Variants in ZNF347 observed in about 807,000 individuals in gnomAD.
ZNF347 encodes zinc finger protein 347, also known as CTD-2620I22.7.
In ZNF347, 19 loss-of-function variants were observed where a neutral mutation model predicts 12.9. The ratio of observed to expected loss-of-function variants is 1.47; its 90% CI spans 1.03 to 2.16. The LOEUF is 2.16. Ranked by LOEUF, ZNF347 falls within the 30% of genes most tolerant of loss-of-function variation. The probability of loss-of-function intolerance (pLI) is 0.00; values close to 1 mark genes in which losing one functional copy is unlikely to be tolerated. For missense variants in ZNF347, 1,005 were observed against 990.6 expected, an observed-to-expected ratio of 1.01 and a Z score of -0.19; for synonymous variants, 328 against 340.6, an observed-to-expected ratio of 0.96 and a Z score of 0.41.
In ZNF347 at chr19:53,142,003, G is replaced by A. The variant is rs775865650; in HGVS notation, c.825C>T (p.His275=). Residue 275 remains histidine, a synonymous_variant, in exon 5 of 5, where the codon CAC becomes CAT. Transcript: ENST00000334197. ...TATGACTTCTCTGATGACTTGCAAG[G>A]TGTGAATTTTGAGGAAAGACCATGC... ...GCGMVFPQNS[H]LASHQRSHTK... 1.2e-5 allele frequency: 19 copies of A among 1,614,112 alleles called. No homozygotes were observed. In the South Asian group the frequency reaches 2.0e-4, roughly 17 times the overall value.
At chr19:53,158,246 G>T (rs1030026022) in intron 1 of ZNF347, among the ~76,000 whole-genome samples, 6 of 152,148 alleles carry the variant, frequency 3.9e-5, no homozygotes, top group Admixed American at 1.3e-4. Context: ...GAGCAGCAGG[G>T]CCCGGCACGA....
chr19:53,152,478 G>A (rs909645012), intron 2 of ZNF347, among the ~76,000 whole-genome samples: 29 of 152,172 alleles, frequency 1.9e-4, no homozygotes, highest in African/African-American at 5.3e-4. Flanking sequence ...ATGGTGGCAT[G>A]CAACTGTAGT....
Position 53,140,691 on chromosome 19 carries a change from G to C in ZNF347, c.2137C>G (p.Gln713Glu). ...HTGEKPYECNQCGKAFSVRSS... is the reference protein window; with the variant it reads ...HTGEKPYECNECGKAFSVRSS... The stretch of plus-strand genomic sequence containing the variant: ...CGGACACTAAAGGCTTTCCCACACT[G>C]ATTACACTCATATGGTTTCTCTCCA... Residue 713 changes from glutamine (Q) to glutamate (E), a missense_variant, in exon 5 of 5, where the codon CAG becomes GAG. Gln to Glu is a conservative substitution (Grantham distance 29, BLOSUM62 2). Coordinates refer to ENST00000334197, the MANE Select transcript of ZNF347 (RefSeq NM_032584.3). 1 of 1,610,620 alleles carries C rather than the reference G, an allele frequency of 6.2e-7. No homozygotes were observed. Among genetic ancestry groups the C allele is most frequent in the Non-Finnish European group, 8.5e-7 (1 of 1,179,234 alleles).
In ZNF347 at chr19:53,148,686, A is replaced by C; in HGVS notation, c.266T>G (p.Ile89Ser). The change falls in exon 4 of 5, where the codon ATC becomes AGC. Residue 89 changes from isoleucine (I) to serine (S), a missense_variant. Coordinates refer to ENST00000334197, the MANE Select transcript of ZNF347 (RefSeq NM_032584.3). ...PDGWEWIKAVITALSSEFVMK... is the reference protein window; with the variant it reads ...PDGWEWIKAVSTALSSEFVMK... ...CTACCCATCTGAACTCTTACCTGTG[A>C]TCACAGCTTTGATCCATTCCCATCC... is the stretch of plus-strand genomic sequence containing the variant. 1 of 1,612,634 alleles carries C rather than the reference A, an allele frequency of 6.2e-7. No homozygotes were observed. The highest frequency in any genetic ancestry group is 8.5e-7 in the Non-Finnish European group (1 of 1,179,222).
rs1377880704 is a variant in ZNF347 at position 53,136,603 on chromosome 19, TG to T, written c.*3704del. ...AGAAAAAAAAAAAGAAAAGAAGCTA[TG>T]GAGAATATGTTACACAATACCATAA... On this transcript the variant is annotated 3_prime_UTR_variant, in exon 5 of 5. Transcript: ENST00000334197. 5 of 151,322 alleles carry T rather than the reference TG, an allele frequency of 3.3e-5. No homozygotes were observed. Among genetic ancestry groups the T allele is most frequent in the African/African-American group, 1.2e-4 (5 of 41,216 alleles). 9.4% of individuals were successfully genotyped at this position (151,322 alleles called of 1,614,324 possible).
At position 53,142,373 on chromosome 19, in the gene ZNF347, T is replaced by C. The variant is rs535994321; in HGVS notation, c.455A>G (p.Tyr152Cys). The C allele has an allele frequency of 1.9e-6, 3 of 1,614,156 alleles. No homozygotes were observed. The highest frequency in any genetic ancestry group is 3.3e-5 in the Admixed American group (2 of 60,010). ...TTCTTGGGTCAAAAGCACTCCTTTG[T>C]AATTTCCTTCAGCATCTCTGCATTG... ...EYQCRDAEGN[Y>C]KGVLLTQEGN... is the part of the protein sequence containing the mutation. Residue 152 changes from tyrosine (Y) to cysteine (C), a missense_variant, in exon 5 of 5, where the codon TAC becomes TGC. By Grantham distance (194) the Tyr-to-Cys change is radical. Transcript: ENST00000334197.
At chr19:53,144,959 A>G (rs1481166901) in intron 4 of ZNF347, among the ~76,000 whole-genome samples, 4 of 151,966 alleles carry the variant, frequency 2.6e-5, no homozygotes, top group Non-Finnish European at 5.9e-5. Context: ...GACCACAATA[A>G]AATAACACTA....
At chr19:53,145,516 C>A (rs1385391396) in intron 4 of ZNF347, among the ~76,000 whole-genome samples, 1 of 151,638 alleles carries the variant, frequency 6.6e-6, no homozygotes, top group Non-Finnish European at 1.5e-5. Flanking sequence ...CCTCAGCCCC[C>A]CAAGTAGCAG....
intron 3 of ZNF347, 60 bp downstream of exon 3, chr19:53,149,181 A>G (rs920577064): frequency 1.9e-6 from 3 of 1,594,570 alleles, no homozygotes; most frequent in Non-Finnish European, 2.6e-6. Context: ...GGAGAGCCAC[A>G]TGGAAAATGA....
At chr19:53,158,759 T>G (rs2090552451) in intron 1 of ZNF347, 1 of 151,714 alleles carries the variant, frequency 6.6e-6, no homozygotes, top group Non-Finnish European at 1.5e-5. Context: ...TAGCCGGGCG[T>G]GGTGGCACAT....
Position 53,142,374 on chromosome 19 carries a change from A to C in ZNF347, c.454T>G (p.Tyr152Asp). Residue 152 changes from tyrosine to aspartate, a missense_variant, in exon 5 of 5, where the codon TAC (tyrosine) becomes GAC (aspartate). Coordinates refer to ENST00000334197, the MANE Select transcript of ZNF347 (RefSeq NM_032584.3). The stretch of plus-strand genomic sequence containing the variant: ...TCTTGGGTCAAAAGCACTCCTTTGT[A>C]ATTTCCTTCAGCATCTCTGCATTGA... Reference protein sequence around the residue: ...EYQCRDAEGNYKGVLLTQEGN... With the variant: ...EYQCRDAEGNDKGVLLTQEGN... The C allele has an allele frequency of 6.2e-7, 1 of 1,614,058 alleles. No individual in the cohort carries two copies. The highest frequency in any genetic ancestry group is 2.2e-5 in the East Asian group (1 of 44,860).
chr19:53,141,674 C>G lies in ZNF347; in HGVS notation c.1154G>C (p.Arg385Pro). The change falls in exon 5 of 5, where the codon CGT becomes CCT. Residue 385 changes from arginine to proline, a missense_variant. Physicochemically the swap from Arg to Pro is moderately radical, Grantham distance 103. Coordinates refer to ENST00000334197, the MANE Select transcript of ZNF347 (RefSeq NM_032584.3). ...CNECGKAFRA[R>P]SSLAIHQATH... The stretch of plus-strand genomic sequence containing the variant: ...TGCCTGATGGATAGCTAAGCTTGAA[C>G]GAGCTCTAAAGGCTTTCCCACACTC... 6.2e-7 allele frequency: 1 copy of G among 1,612,616 alleles called. No individual in the cohort carries two copies. Among genetic ancestry groups the G allele is most frequent in the Non-Finnish European group, 8.5e-7 (1 of 1,179,668 alleles).
rs1334461179 is a variant in ZNF347 at position 53,141,024 on chromosome 19, A to G, written c.1804T>C (p.Cys602Arg). 2 of 1,613,102 alleles carry G rather than the reference A, an allele frequency of 1.2e-6. No homozygotes were observed. Among genetic ancestry groups the G allele is most frequent in the African/African-American group, 1.3e-5 (1 of 74,552 alleles). Residue 602 changes from cysteine to arginine, a missense_variant, in exon 5 of 5, where the codon TGT (cysteine) becomes CGT (arginine). Cys to Arg is a radical substitution (Grantham distance 180, BLOSUM62 -3). Coordinates refer to ENST00000334197, the MANE Select transcript of ZNF347 (RefSeq NM_032584.3). The stretch of plus-strand genomic sequence containing the variant: ...GAATTATGCCTAAAGACCTTGCCAC[A>G]TTCATTACATTTATAAGGTTTCTCT... ...TGEKPYKCNE[C>R]GKVFRHNSYL...
At chr19:53,152,202 T>C (rs1311805980) in intron 2 of ZNF347, among the ~76,000 whole-genome samples, 2 of 152,088 alleles carry the variant, frequency 1.3e-5, no homozygotes, top group African/African-American at 4.8e-5. Flanking sequence ...ACATCCACTC[T>C]GTCCTCATTC....
chr19:53,154,783 T>C (rs1004247099), intron 1 of ZNF347, among the ~76,000 whole-genome samples: 2 of 151,926 alleles, frequency 1.3e-5, no homozygotes, highest in Admixed American at 6.6e-5. Context: ...CAGTGGAATG[T>C]TGGGTATGAG....
At chr19:53,148,169 G>A (rs1220939299) in intron 4 of ZNF347, among the ~76,000 whole-genome samples, 1 of 152,096 alleles carries the variant, frequency 6.6e-6, no homozygotes, top group Admixed American at 6.5e-5. Flanking sequence ...AATTAGGCAA[G>A]AGAAAGAAAT....
At chr19:53,152,855 A>T (rs1353399970) in intron 2 of ZNF347, among the ~76,000 whole-genome samples, 1 of 152,060 alleles carries the variant, frequency 6.6e-6, no homozygotes, top group Non-Finnish European at 1.5e-5. Context: ...GCGTGAAAGC[A>T]GGAGGCGGAG....
In ZNF347 at chr19:53,139,550, C is replaced by T. The variant is rs1283649813; in HGVS notation, c.*758G>A. 6 of 152,138 alleles carry T rather than the reference C, an allele frequency of 3.9e-5. No homozygotes were observed. Among genetic ancestry groups the T allele is most frequent in the Non-Finnish European group, 7.4e-5 (5 of 68,020 alleles). The allele number at this position is 152,138 out of a possible 1,614,324, so 9.4% of individuals were successfully genotyped here. A position where few individuals can be genotyped will look rare whatever the true frequency, so the allele number is the denominator to read the frequency against. ...TAACCTGAAGGTAAGTAGCCATTTC[C>T]AAATGTCCTTTGACCTTTGAAATAT... On this transcript the variant is annotated 3_prime_UTR_variant, in exon 5 of 5. Transcript: ENST00000334197.
intron 1 of ZNF347, among the ~76,000 whole-genome samples, chr19:53,158,527 T>G (rs4277444): frequency 1 from 152,179 of 152,192 alleles, 76,083 homozygotes; most frequent in Middle Eastern, 1. Context: ...GCCTCAGAGC[T>G]ACTTCAACCC....
Sources: gnomAD v4.1 joint callset for allele counts (sites outside exome capture counted in the v4.1 genomes callset) on GRCh38, gnomAD v4.1.1 for gene constraint, MANE v1.5 for transcripts, NCBI Gene and HGNC (gene_info 2026-07-23, HGNC 2026-07-21) for gene names.